The following PARP14 variants were observed in gnomAD, a reference collection of about 807,000 sequenced individuals.
PARP14 encodes the protein poly(ADP-ribose) polymerase family member 14, also known as protein mono-ADP-ribosyltransferase PARP14.
PARP14 carries 59 observed loss-of-function variants against 154.2 expected under a neutral mutation model. That is an observed-to-expected ratio of 0.38 (90% CI 0.31 to 0.48). The LOEUF is 0.48. Among genes scored for constraint, PARP14 ranks in the 20% least tolerant of loss-of-function variants. PARP14 has a pLI of 0.98. For missense variants in PARP14, 1,734 were observed against 2,131.6 expected, an observed-to-expected ratio of 0.81 and a Z score of 3.67; for synonymous variants, 720 against 780.5, an observed-to-expected ratio of 0.92 and a Z score of 1.29.
rs1576605639 is a variant in PARP14 at position 122,727,859 on chromosome 3, G to GA, written c.4996dup (p.Thr1666AsnfsTer12). The GA allele has an allele frequency of 1.2e-6, 2 of 1,613,190 alleles. No homozygotes were observed. Among genetic ancestry groups the GA allele is most frequent in the South Asian group, 1.1e-5 (1 of 91,006 alleles). On this transcript the variant is annotated frameshift_variant, in exon 16 of 17. Coordinates refer to ENST00000474629, the MANE Select transcript of PARP14 (RefSeq NM_017554.3). LOFTEE classifies it high-confidence loss of function. ...ATCTCTGGAATAGCTACCAGGCAAA[G>GA]AAAAAAACTATGGATGCCAAGAATG...
rs1326192402 is a variant in PARP14 at position 122,695,584 on chromosome 3, A to G, written c.757A>G (p.Asn253Asp). 2 of 1,610,340 alleles carry G rather than the reference A, an allele frequency of 1.2e-6. No homozygotes were observed. Among genetic ancestry groups the G allele is most frequent in the Admixed American group, 3.3e-5 (2 of 59,898 alleles). Residue 253 changes from asparagine to aspartate, a missense_variant, in exon 5 of 17, where the codon AAT becomes GAT. Transcript: ENST00000474629. ...AAAACTTTTCTTTGAAAATCCCTAT[A>G]ATGGAGGGGGAAGAGTTGCCAATGT... The part of the protein sequence containing the change: ...SLKLFFENPY[N>D]GGGRVANVEY...
intron 5 of PARP14, among the ~76,000 whole-genome samples, chr3:122,697,807 G>T (rs565375292): frequency 1.3e-5 from 2 of 152,182 alleles, no homozygotes; most frequent in Non-Finnish European, 2.9e-5. Context: ...TGCACAGTTA[G>T]ATAAACTTTG....
intron 9 of PARP14, among the ~76,000 whole-genome samples, chr3:122,709,006 T>C (rs1939241643): frequency 6.6e-6 from 1 of 152,220 alleles, no homozygotes; most frequent in South Asian, 2.1e-4. Flanking sequence ...TTTTTTAAAT[T>C]TTTAAATTCT....
chr3:122,703,763 G>A lies in PARP14; in HGVS notation c.3103G>A (p.Val1035Ile), dbSNP rs550029652. 15 of 1,606,054 alleles carry A rather than the reference G, an allele frequency of 9.3e-6. No individual in the cohort carries two copies. The highest frequency in any genetic ancestry group is 4.5e-5 in the East Asian group (2 of 44,734). The change falls in exon 7 of 17, where the codon GTT (valine) becomes ATT (isoleucine). Residue 1035 changes from valine (V) to isoleucine (I), a missense_variant. Val to Ile is a conservative substitution (Grantham distance 29). Transcript: ENST00000474629. ...TAAGACCGATGTTGTTGTCAACTCC[G>A]TTCCCTTGGATCTCGTGCTTAGTAG... Reference protein sequence around the residue: ...NAKTDVVVNSVPLDLVLSRGP... With the variant: ...NAKTDVVVNSIPLDLVLSRGP...
At chr3:122,705,503 T>A (rs1022113613) in intron 8 of PARP14, among the ~76,000 whole-genome samples, 1 of 152,184 alleles carries the variant, frequency 6.6e-6, no homozygotes, top group Non-Finnish European at 1.5e-5. Flanking sequence ...AGAACTATCA[T>A]CAATCATGAG....
chr3:122,723,869 G>A (rs1933218759), intron 15 of PARP14, among the ~76,000 whole-genome samples: 1 of 152,154 alleles, frequency 6.6e-6, no homozygotes, highest in Non-Finnish European at 1.5e-5. Context: ...GTTGCAGGAT[G>A]TTGATTTTCT....
intron 3 of PARP14, among the ~76,000 whole-genome samples, chr3:122,689,209 G>A (rs1346455136): frequency 6.6e-6 from 1 of 152,140 alleles, no homozygotes; most frequent in Non-Finnish European, 1.5e-5. Context: ...CCAAGCAAGG[G>A]CCCTTTCTGG....
chr3:122,705,954 G>A (rs537940920), intron 8 of PARP14, among the ~76,000 whole-genome samples: 52 of 152,314 alleles, frequency 3.4e-4, no homozygotes, highest in East Asian at 9.6e-4. Context: ...GATGTGGATC[G>A]TGGAACAGGA....
In PARP14 at chr3:122,710,906, T is replaced by C. The variant is rs141550248; in HGVS notation, c.3620-2518T>C. Among the ~76,000 whole-genome samples the C allele has an allele frequency of 4.6e-3, 694 of 152,090 alleles. 7 individuals are homozygous for C. Among genetic ancestry groups the C allele is most frequent in the African/African-American group, 0.015 (612 of 41,494 alleles). ...TCTCAGCTTGGTGGTTGTTGGTGTA[T>C]AGCAGGGCTACTAATTTGTGTACAT... On this transcript the variant is annotated intron_variant, in intron 9 of 16. Transcript: ENST00000474629.
At chr3:122,717,356 C>A (rs914425159) in intron 12 of PARP14, among the ~76,000 whole-genome samples, 2 of 152,306 alleles carry the variant, frequency 1.3e-5, no homozygotes, top group Middle Eastern at 6.8e-3. Context: ...CTTACCTAGG[C>A]TGTTGCTTTC....
intron 5 of PARP14, among the ~76,000 whole-genome samples, chr3:122,698,178 A>G (rs1280934566): frequency 6.6e-6 from 1 of 152,202 alleles, no homozygotes; most frequent in Non-Finnish European, 1.5e-5. Context: ...AGTTGAAGCT[A>G]TATGTTTGGG....
chr3:122,695,687 C>A, intron 5 of PARP14, 25 bp downstream of exon 5: 1 of 1,074,530 alleles, frequency 9.3e-7, no homozygotes. Flanking sequence ...CCTGTCATAC[C>A]TGGCATAATC....
chr3:122,704,326 T>A (rs1939079963), intron 7 of PARP14, among the ~76,000 whole-genome samples: 1 of 152,230 alleles, frequency 6.6e-6, no homozygotes, highest in Non-Finnish European at 1.5e-5. Context: ...TCCTTCATTG[T>A]GAATGTGTTT....
Position 122,695,551 on chromosome 3 carries a change from T to A in PARP14, c.724T>A (p.Tyr242Asn). ...VENLPPGADD[Y>N]SLKLFFENPY... is the part of the protein sequence containing the mutation. ...AAACCTGCCACCTGGTGCTGATGACTACAGTTTAAAACTTTTCTTTGAAAA... is the reference window on the plus strand; with the variant it reads ...AAACCTGCCACCTGGTGCTGATGACAACAGTTTAAAACTTTTCTTTGAAAA... Residue 242 changes from tyrosine to asparagine, a missense_variant, in exon 5 of 17, where the codon TAC (tyrosine) becomes AAC (asparagine). Tyr to Asn is a moderately radical substitution (Grantham distance 143, BLOSUM62 -2). Transcript: ENST00000474629. 2 of 1,608,662 alleles carry A rather than the reference T, an allele frequency of 1.2e-6. No homozygotes were observed. Among genetic ancestry groups the A allele is most frequent in the Non-Finnish European group, 1.7e-6 (2 of 1,175,504 alleles).
chr3:122,700,477 C>T lies in PARP14; in HGVS notation c.1923C>T (p.Thr641=). The T allele has an allele frequency of 6.2e-7, 1 of 1,612,338 alleles. No individual in the cohort carries two copies. Among genetic ancestry groups the T allele is most frequent in the Non-Finnish European group, 8.5e-7 (1 of 1,179,012 alleles). The change falls in exon 6 of 17, where the codon ACC becomes ACT. Residue 641 remains threonine, a synonymous_variant. Transcript: ENST00000474629. ...TCATCAATGAGTTAACTTCAGAAAC[C>T]ACAGCTGAAGTCATCATTACAGGCT... ...TVIINELTSE[T]TAEVIITGCV...
At position 122,680,998 on chromosome 3, in the gene PARP14, G is replaced by A. The variant is rs1483055369; in HGVS notation, c.115G>A (p.Gly39Ser). The A allele has an allele frequency of 6.2e-7, 1 of 1,613,832 alleles. No homozygotes were observed. The highest frequency in any genetic ancestry group is 8.5e-7 in the Non-Finnish European group (1 of 1,179,744). ...CTTCCAGAGCCCGAAGAGGTCGGGAGGCGGCGAGTGTGAGGTCCGCCAGGA... is the reference window on the plus strand; with the variant it reads ...CTTCCAGAGCCCGAAGAGGTCGGGAAGCGGCGAGTGTGAGGTCCGCCAGGA... Reference protein sequence around the residue: ...MYFQSPKRSGGGECEVRQDPR... With the variant: ...MYFQSPKRSGSGECEVRQDPR... Residue 39 changes from glycine to serine, a missense_variant, in exon 1 of 17, where the codon GGC becomes AGC. Transcript: ENST00000474629.
chr3:122,720,695 A>G, intron 15 of PARP14: 1 of 446,774 alleles, frequency 2.2e-6, no homozygotes, highest in Non-Finnish European at 4.3e-6. Context: ...ATAGCTAGCA[A>G]ATTCCACAGA....
intron 9 of PARP14, among the ~76,000 whole-genome samples, chr3:122,711,613 G>A (rs1192034682): frequency 6.6e-6 from 1 of 151,952 alleles, no homozygotes; most frequent in African/African-American, 2.4e-5. Context: ...GATTTAGGGA[G>A]GATTTCTTCT....
At chr3:122,704,805 A>G in intron 8 of PARP14, 57 bp downstream of exon 8, 1 of 973,822 alleles carries the variant, frequency 1.0e-6, no homozygotes, top group Non-Finnish European at 1.6e-6. Context: ...GTTTTTTCAA[A>G]TGTCTTTTTG....
Sources: gnomAD v4.1 joint callset for allele counts (sites outside exome capture counted in the v4.1 genomes callset) on GRCh38, gnomAD v4.1.1 for gene constraint, MANE v1.5 for transcripts, NCBI Gene and HGNC (gene_info 2026-07-23, HGNC 2026-07-21) for gene names.